NUMB: variants seen among roughly 807,000 people sequenced by gnomAD.
The protein encoded by NUMB is NUMB endocytic adaptor protein.
A neutral mutation model predicts 59.7 loss-of-function variants in NUMB; 29 were observed. The ratio of observed to expected loss-of-function variants is 0.49; its 90% CI spans 0.36 to 0.66. The LOEUF (loss-of-function observed/expected upper bound fraction) is 0.66, where lower values mean the gene tolerates loss of function less well. Ranked by LOEUF, NUMB falls within the 30% of genes least tolerant of loss-of-function variation. The pLI is 0.00. For synonymous variants in NUMB, 288 were observed against 288.2 expected, an observed-to-expected ratio of 1.00 and a Z score of 0.01; for missense variants, 723 against 822.0, an observed-to-expected ratio of 0.88 and a Z score of 1.47.
At chr14:73,426,323 G>T (rs1482930346) in intron 1 of NUMB, among the ~76,000 whole-genome samples, 1 of 152,180 alleles carries the variant, frequency 6.6e-6, no homozygotes, top group African/African-American at 2.4e-5. Flanking sequence ...GGCCTCTGAA[G>T]CCAGAGGCCT....
At chr14:73,314,213 G>A (rs1465996881) in intron 6 of NUMB, among the ~76,000 whole-genome samples, 1 of 152,094 alleles carries the variant, frequency 6.6e-6, no homozygotes, top group East Asian at 1.9e-4. Context: ...TGAAAATAAA[G>A]TGATTATACA....
In NUMB at chr14:73,284,066, T is replaced by A; in HGVS notation, c.949+15A>T. 1 of 1,612,088 alleles carries A rather than the reference T, an allele frequency of 6.2e-7. No homozygotes were observed. The highest frequency in any genetic ancestry group is 8.5e-7 in the Non-Finnish European group (1 of 1,178,314). On this transcript the variant is annotated intron_variant, in intron 10 of 12. Transcript: ENST00000555238. Reference sequence around the variant, plus strand: ...GTGCTCGAGTACCCAGTGAGTCAGGTAGATGCTACATTACCTGCATTTTTA... The same window carrying A: ...GTGCTCGAGTACCCAGTGAGTCAGGAAGATGCTACATTACCTGCATTTTTA...
chr14:73,302,609 G>A (rs1332481311), intron 6 of NUMB, among the ~76,000 whole-genome samples: 2 of 151,660 alleles, frequency 1.3e-5, no homozygotes, highest in Admixed American at 6.6e-5. Context: ...ATGAGGTTTC[G>A]CCATGTTGGC....
intron 2 of NUMB, among the ~76,000 whole-genome samples, chr14:73,406,759 T>C (rs1896690659): frequency 6.6e-6 from 1 of 152,108 alleles, no homozygotes; most frequent in African/African-American, 2.4e-5. Flanking sequence ...GCACCTGTTG[T>C]TTCCTGACTT....
At position 73,335,881 on chromosome 14, in the gene NUMB, G is replaced by A. The variant is rs566871529; in HGVS notation, c.127-12677C>T. ...TATAGCAAACATAGTATGCAGATGC[G>A]CACAATACAGTAGCAAAACTTGTTT... On this transcript the variant is annotated intron_variant, in intron 4 of 12. Coordinates refer to ENST00000555238, the MANE Select transcript of NUMB (RefSeq NM_001005743.2). Among the ~76,000 whole-genome samples the A allele has an allele frequency of 1.3e-4, 20 of 152,240 alleles. No homozygotes were observed. The South Asian group carries it at 2.7e-3, about 21-fold the overall frequency.
At chr14:73,394,563 C>A (rs1896026211) in intron 2 of NUMB, among the ~76,000 whole-genome samples, 1 of 152,150 alleles carries the variant, frequency 6.6e-6, no homozygotes, top group Admixed American at 6.5e-5. Flanking sequence ...CACAAGTCAC[C>A]ACACTCTGCT....
At chr14:73,384,374 C>T (rs1228110849) in intron 2 of NUMB, among the ~76,000 whole-genome samples, 1 of 151,990 alleles carries the variant, frequency 6.6e-6, no homozygotes, top group Non-Finnish European at 1.5e-5. Context: ...CAGGCTTGAG[C>T]CACCTCACCT....
intron 1 of NUMB, among the ~76,000 whole-genome samples, chr14:73,428,817 C>T (rs2140164591): frequency 1.3e-5 from 2 of 151,872 alleles, no homozygotes; most frequent in South Asian, 4.2e-4. Flanking sequence ...GTCTCTACAA[C>T]ATGAAAATAA....
Position 73,277,234 on chromosome 14 carries a change from T to G in NUMB, c.1300A>C (p.Arg434=). Residue 434 remains arginine (R), a synonymous_variant, in exon 13 of 13, where the codon AGA becomes CGA. Transcript: ENST00000555238. ...CGGTCGGCCTCAGAGGGAGTACGTC[T>G]ATGACCGGCCTGGAAGAGACCTGGA... The part of the protein sequence containing the change: ...ASPGLFQAGH[R]RTPSEADRWL... 6.2e-7 allele frequency: 1 copy of G among 1,613,472 alleles called. No individual in the cohort carries two copies. The highest frequency in any genetic ancestry group is 1.3e-5 in the African/African-American group (1 of 74,978).
intron 3 of NUMB, among the ~76,000 whole-genome samples, chr14:73,357,962 T>C (rs921164398): frequency 6.6e-6 from 1 of 151,554 alleles, no homozygotes; most frequent in South Asian, 2.1e-4. Context: ...CTTCATTTCT[T>C]CGTCTTAGCA....
intron 2 of NUMB, among the ~76,000 whole-genome samples, chr14:73,382,161 T>G (rs1895273234): frequency 6.6e-6 from 1 of 152,224 alleles, no homozygotes; most frequent in African/African-American, 2.4e-5. Flanking sequence ...ATTATTATTT[T>G]TTGAGATGGA....
intron 4 of NUMB, among the ~76,000 whole-genome samples, chr14:73,342,286 A>G (rs972735763): frequency 6.6e-6 from 1 of 152,258 alleles, no homozygotes; most frequent in Non-Finnish European, 1.5e-5. Context: ...AAGACGATGT[A>G]TCTGCTCAAC....
At chr14:73,337,125 GAC>G (rs1160404084) in intron 4 of NUMB, among the ~76,000 whole-genome samples, 1 of 151,244 alleles carries the variant, frequency 6.6e-6, no homozygotes, top group African/African-American at 2.4e-5. Flanking sequence ...AAAAAAGCAA[GAC>G]TCTGTCTTTA....
intron 3 of NUMB, among the ~76,000 whole-genome samples, chr14:73,366,022 G>T (rs895954242): frequency 6.6e-6 from 1 of 152,138 alleles, no homozygotes; most frequent in Non-Finnish European, 1.5e-5. Context: ...ATGAGGTTTT[G>T]GTTCTTGGTA....
rs546582334 is a variant in NUMB, at chr14:73,332,399, G to A, written c.127-9195C>T. ...CTCCCGAGAAGCTGGGATTACAGGC[G>A]TACGCCACCACACCCAGCTAATTTT... is the stretch of plus-strand genomic sequence containing the variant. On this transcript the variant is annotated intron_variant, in intron 4 of 12. Transcript: ENST00000555238. 1.8e-3 allele frequency among the ~76,000 whole-genome samples: 279 copies of A among 151,750 alleles called. 1 individual carries two copies. The highest frequency in any genetic ancestry group is 6.4e-3 in the African/African-American group (263 of 41,404).
At chr14:73,320,470 C>T (rs1891344545) in intron 5 of NUMB, among the ~76,000 whole-genome samples, 1 of 152,186 alleles carries the variant, frequency 6.6e-6, no homozygotes, top group African/African-American at 2.4e-5. Flanking sequence ...TGGCTTTAAG[C>T]AATCCTCCCA....
chr14:73,332,035 G>C (rs1026755551), intron 4 of NUMB, among the ~76,000 whole-genome samples: 3 of 152,066 alleles, frequency 2.0e-5, no homozygotes, highest in African/African-American at 7.2e-5. Flanking sequence ...CCAAACCTAG[G>C]ATTTCAATTT....
At chr14:73,352,101 T>A (rs1421159947) in intron 4 of NUMB, among the ~76,000 whole-genome samples, 1 of 152,090 alleles carries the variant, frequency 6.6e-6, no homozygotes, top group East Asian at 1.9e-4. Flanking sequence ...GCTTCCCACG[T>A]ACAAAATCCT....
intron 6 of NUMB, among the ~76,000 whole-genome samples, chr14:73,314,570 G>A (rs1813234922): frequency 6.6e-6 from 1 of 152,114 alleles, no homozygotes; most frequent in Non-Finnish European, 1.5e-5. Context: ...TTTGAGGGAA[G>A]AGCTTTGTTC....
Sources: allele counts gnomAD v4.1 joint callset (sites outside exome capture counted in the v4.1 genomes callset), GRCh38; gene constraint gnomAD v4.1.1; transcripts MANE v1.5; gene names NCBI Gene and HGNC (gene_info 2026-07-23, HGNC 2026-07-21).